Variants in LTF observed in about 807,000 individuals in gnomAD.
The protein encoded by LTF is lactotransferrin.
In LTF, 91 loss-of-function variants were observed where a neutral mutation model predicts 87.2. The ratio of observed to expected loss-of-function variants is 1.04; its 90% CI spans 0.88 to 1.24. LTF has a LOEUF of 1.24. Among genes scored for constraint, LTF ranks in the 50% most tolerant of loss-of-function variants. LTF has a pLI of 0.00. For missense variants in LTF, 901 were observed against 904.3 expected, an observed-to-expected ratio of 1.00 and a Z score of 0.05; for synonymous variants, 378 against 356.1, an observed-to-expected ratio of 1.06 and a Z score of -0.69.
intron 1 of LTF, among the ~76,000 whole-genome samples, chr3:46,482,528 G>A (rs868503596): frequency 1.3e-4 from 10 of 75,022 alleles, no homozygotes; most frequent in Non-Finnish European, 1.8e-4. Context: ...GGGAAGGGAA[G>A]GGAAGGGAAG....
intron 6 of LTF, among the ~76,000 whole-genome samples, chr3:46,453,390 T>A (rs1269035362): frequency 2.0e-5 from 3 of 152,168 alleles, no homozygotes; most frequent in African/African-American, 7.2e-5. Flanking sequence ...AGCTTGGTGA[T>A]CCTGGGTGCA....
chr3:46,443,920 G>A (rs892107830), intron 12 of LTF, among the ~76,000 whole-genome samples: 5 of 152,164 alleles, frequency 3.3e-5, no homozygotes, highest in African/African-American at 1.2e-4. Context: ...GCCTAGTCCA[G>A]GATCTGATTT....
intron 1 of LTF, among the ~76,000 whole-genome samples, chr3:46,462,494 C>T (rs1005951536): frequency 6.6e-6 from 1 of 152,152 alleles, no homozygotes; most frequent in African/African-American, 2.4e-5. Flanking sequence ...CCAACCTAAG[C>T]AGTCAGGCAC....
intron 15 of LTF, among the ~76,000 whole-genome samples, chr3:46,438,635 C>T (rs1235762065): frequency 1.3e-5 from 2 of 152,220 alleles, no homozygotes; most frequent in African/African-American, 4.8e-5. Flanking sequence ...GAGACCCAAA[C>T]CCCTCAGTCA....
Position 46,441,485 on chromosome 3 carries a change from TA to T in LTF, c.1656-3del. 1.2e-6 allele frequency: 2 copies of T among 1,611,902 alleles called. No homozygotes were observed. Among genetic ancestry groups the T allele is most frequent in the South Asian group, 1.1e-5 (1 of 90,856 alleles). Reference sequence around the variant, plus strand: ...TCTCCAGCATTCTCAGCCAGGCACCTAAAATGTTCCAGAAAATATACACATA... The same window carrying T: ...TCTCCAGCATTCTCAGCCAGGCACCTAAATGTTCCAGAAAATATACACATA... On this transcript the variant is annotated splice_region_variant and splice_polypyrimidine_tract_variant and intron_variant, in intron 13 of 16. Coordinates refer to ENST00000231751, the MANE Select transcript of LTF (RefSeq NM_002343.6).
intron 1 of LTF, 116 bp from the exon 2 acceptor site, chr3:46,459,935 C>T (rs1703038715): frequency 7.6e-6 from 5 of 657,708 alleles, no homozygotes; most frequent in Non-Finnish European, 6.8e-6. Context: ...CTCCTTCCCT[C>T]TCCATTTCAT....
At chr3:46,438,375 C>A (rs1365148571) in intron 15 of LTF, among the ~76,000 whole-genome samples, 1 of 152,212 alleles carries the variant, frequency 6.6e-6, no homozygotes, top group African/African-American at 2.4e-5. Context: ...CATCTGCCAT[C>A]TTTCCTTCCT....
chr3:46,438,002 T>G lies in LTF; in HGVS notation c.2036A>C (p.Glu679Ala). The part of the protein sequence containing the change: ...LARLHGKTTY[E>A]KYLGPQYVAG... ...GACATACTGTGGTCCCAAATATTTT[T>G]CATATGTTGTTTTGCCATGGAGTCT... is the stretch of plus-strand genomic sequence containing the variant. The change falls in exon 16 of 17, where the codon GAA (glutamate) becomes GCA (alanine). Residue 679 changes from glutamate (E) to alanine (A), a missense_variant. Coordinates refer to ENST00000231751, the MANE Select transcript of LTF (RefSeq NM_002343.6). 2 of 1,614,142 alleles carry G rather than the reference T, an allele frequency of 1.2e-6. No homozygotes were observed. Among genetic ancestry groups the G allele is most frequent in the Non-Finnish European group, 1.7e-6 (2 of 1,180,032 alleles).
At chr3:46,476,338 A>G (rs1703359544) in intron 1 of LTF, among the ~76,000 whole-genome samples, 1 of 152,234 alleles carries the variant, frequency 6.6e-6, no homozygotes, top group African/African-American at 2.4e-5. Flanking sequence ...TAGATTCTAT[A>G]GAAACTTTTG....
chr3:46,469,654 G>C (rs1170966006), upstream of LTF: 1 of 152,794 alleles, frequency 6.5e-6, no homozygotes, highest in East Asian at 1.9e-4. Flanking sequence ...AGAGCTGCCT[G>C]TGTCTCTACC....
intron 14 of LTF, 39 bp downstream of exon 14, chr3:46,441,377 A>G: frequency 1.3e-6 from 2 of 1,534,608 alleles, no homozygotes; most frequent in Non-Finnish European, 9.0e-7. Flanking sequence ...GATGCCAAAG[A>G]CTCTGCTTTG....
At chr3:46,458,552 G>A (rs1702997303) in intron 2 of LTF, among the ~76,000 whole-genome samples, 2 of 152,308 alleles carry the variant, frequency 1.3e-5, no homozygotes, top group East Asian at 3.9e-4. Flanking sequence ...ACAAGCAAGA[G>A]ATGCTGGTGC....
intron 15 of LTF, 84 bp from the exon 16 acceptor site, chr3:46,438,213 C>T: frequency 8.9e-7 from 1 of 1,127,482 alleles, no homozygotes; most frequent in Admixed American, 2.0e-5. Flanking sequence ...TTCTTCCACC[C>T]AAGAACAGCC....
intron 15 of LTF, among the ~76,000 whole-genome samples, chr3:46,438,464 A>T (rs1283726950): frequency 1.3e-5 from 2 of 152,226 alleles, no homozygotes; most frequent in Admixed American, 1.3e-4. Flanking sequence ...ATCTGCCCTC[A>T]CAAGTCAATT....
intron 1 of LTF, among the ~76,000 whole-genome samples, chr3:46,460,255 G>T (rs1703045927): frequency 6.6e-6 from 1 of 152,192 alleles, no homozygotes; most frequent in Non-Finnish European, 1.5e-5. Context: ...CCACTCAGCA[G>T]TGCAGAGCCC....
chr3:46,445,260 C>T lies in LTF; in HGVS notation c.1513+21G>A, dbSNP rs375142948. 1.1e-5 allele frequency: 17 copies of T among 1,594,362 alleles called. No homozygotes were observed. In the Admixed American group the frequency reaches 2.1e-4, roughly 19 times the overall value. ...CTACCCTCCAGGGTGGCCCACCCAC[C>T]GCACCTTTGGAACTCCTTACCAAAT... is the stretch of plus-strand genomic sequence containing the variant. On this transcript the variant is annotated intron_variant, in intron 12 of 16. Transcript: ENST00000231751.
At chr3:46,482,560 G>GAGA (rs1559614570) in intron 1 of LTF, among the ~76,000 whole-genome samples, 4,413 of 52,226 alleles carry the variant, frequency 0.084, 1,244 homozygotes, top group East Asian at 0.2. Flanking sequence ...GAAGGGAAGG[G>GAGA]AAGGGAAGGG....
In LTF at chr3:46,439,418, C is replaced by A; in HGVS notation, c.1786G>T (p.Asp596Tyr). The change falls in exon 15 of 17, where the codon GAT (aspartate) becomes TAT (tyrosine). Residue 596 changes from aspartate to tyrosine, a missense_variant. Transcript: ENST00000231751. ...TCAGTCACAGGCTTCCGTTTGCCAT[C>A]GAGGCACAGCAGCGCAAAGTCTGCC... ...KLADFALLCL[D>Y]GKRKPVTEAR... is the part of the protein sequence containing the mutation. 1 of 1,614,176 alleles carries A rather than the reference C, an allele frequency of 6.2e-7. No homozygotes were observed. Among genetic ancestry groups the A allele is most frequent in the Non-Finnish European group, 8.5e-7 (1 of 1,180,010 alleles).
chr3:46,450,802 A>C (rs1702785348), intron 6 of LTF, 129 bp from the exon 7 acceptor site: 1 of 766,856 alleles, frequency 1.3e-6, no homozygotes, highest in Non-Finnish European at 2.2e-6. Flanking sequence ...AGGGTCAGAA[A>C]GGCAGGGGTT....
Sources: allele counts gnomAD v4.1 joint callset (sites outside exome capture counted in the v4.1 genomes callset), GRCh38; gene constraint gnomAD v4.1.1; transcripts MANE v1.5; gene names NCBI Gene and HGNC (gene_info 2026-07-23, HGNC 2026-07-21).